Variants in PCNX1 observed in about 807,000 individuals in gnomAD.
The protein encoded by PCNX1 is pecanex 1.
In PCNX1, 78 loss-of-function variants were observed where a neutral mutation model predicts 242.2. The observed-to-expected ratio is 0.32, with a 90% CI of 0.27 to 0.39. The LOEUF (loss-of-function observed/expected upper bound fraction) is 0.39. Ranked by LOEUF, PCNX1 falls within the 10% of genes least tolerant of loss-of-function variation. PCNX1 has a pLI of 1.00. For synonymous variants in PCNX1, 1,024 were observed against 1,032.9 expected (o/e 0.99, Z 0.17); for missense variants, 2,581 against 2,856.5 (o/e 0.90, Z 2.20).
intron 2 of PCNX1, among the ~76,000 whole-genome samples, chr14:70,958,601 A>G (rs1268282266): frequency 6.6e-6 from 1 of 152,146 alleles, no homozygotes; most frequent in Non-Finnish European, 1.5e-5. Flanking sequence ...TTCTTAGAAC[A>G]GGCTGCCCCT....
Position 71,057,664 on chromosome 14 carries a change from C to T in PCNX1, c.4792C>T (p.His1598Tyr). 1 of 1,613,906 alleles carries T rather than the reference C, an allele frequency of 6.2e-7. No homozygotes were observed. Among genetic ancestry groups the T allele is most frequent in the Non-Finnish European group, 8.5e-7 (1 of 1,179,822 alleles). The stretch of plus-strand genomic sequence containing the variant: ...CTCTGACTATCTCAATGCATTAGTA[C>T]ACCTTATAGAGATAGGCAATGGTCT... ...LASDYLNALV[H>Y]LIEIGNGLVT... Residue 1598 changes from histidine to tyrosine, a missense_variant, in exon 26 of 36, where the codon CAC becomes TAC. By Grantham distance (83) the His-to-Tyr change is moderately conservative. This residue lies in a region of PCNX1 where 54 missense variants were observed against 45.3 expected (regional missense o/e 1.19). Transcript: ENST00000304743.
intron 1 of PCNX1, among the ~76,000 whole-genome samples, chr14:70,939,487 G>A (rs1468972208): frequency 6.6e-6 from 1 of 152,182 alleles, no homozygotes; most frequent in African/African-American, 2.4e-5. Flanking sequence ...TTGCACTGTG[G>A]TCTGAGAGAC....
chr14:70,991,514 AT>A (rs2059167021), intron 7 of PCNX1, among the ~76,000 whole-genome samples: 1 of 151,988 alleles, frequency 6.6e-6, no homozygotes, highest in Non-Finnish European at 1.5e-5. Flanking sequence ...CCTACTACTT[AT>A]TTTTAAAGGG....
At chr14:70,940,015 G>A (rs1222856293) in intron 1 of PCNX1, among the ~76,000 whole-genome samples, 4 of 151,992 alleles carry the variant, frequency 2.6e-5, no homozygotes, top group Non-Finnish European at 2.9e-5. Context: ...TTGAGCCTAT[G>A]TGTGTCCCTG....
chr14:70,948,681 G>A (rs146445418), intron 2 of PCNX1, among the ~76,000 whole-genome samples: 216 of 147,122 alleles, frequency 1.5e-3, no homozygotes, highest in Middle Eastern at 4.3e-3. Flanking sequence ...ATATAGATGT[G>A]TATATATACA....
chr14:70,952,329 T>C (rs1167757177), intron 2 of PCNX1, among the ~76,000 whole-genome samples: 3 of 152,188 alleles, frequency 2.0e-5, no homozygotes, highest in African/African-American at 7.2e-5. Context: ...AAGTGACTAC[T>C]TCATTACCTA....
At chr14:71,095,079 A>C (rs1021020586) in intron 30 of PCNX1, among the ~76,000 whole-genome samples, 1 of 151,128 alleles carries the variant, frequency 6.6e-6, no homozygotes, top group African/African-American at 2.4e-5. Flanking sequence ...ATTAACCAAA[A>C]CTCAGATGAA....
chr14:70,977,932 A>G lies in PCNX1; in HGVS notation c.1595A>G (p.Asp532Gly). 6.2e-7 allele frequency: 1 copy of G among 1,614,158 alleles called. No individual in the cohort carries two copies. The highest frequency in any genetic ancestry group is 1.1e-5 in the South Asian group (1 of 91,082). ...AVSVDSKVRK[D>G]VGGKQKEGDV... Reference sequence around the variant, plus strand: ...TCTGTGGATTCCAAAGTGCGTAAAGATGTTGGTGGAAAGCAAAAGGAAGGG... The same window carrying G: ...TCTGTGGATTCCAAAGTGCGTAAAGGTGTTGGTGGAAAGCAAAAGGAAGGG... Residue 532 changes from aspartate (D) to glycine (G), a missense_variant, in exon 6 of 36, where the codon GAT (aspartate) becomes GGT (glycine). This residue lies in a region of PCNX1 where 1,204 missense variants were observed against 1,216.7 expected (regional missense o/e 0.99). Coordinates refer to ENST00000304743, the MANE Select transcript of PCNX1 (RefSeq NM_014982.3).
intron 19 of PCNX1, among the ~76,000 whole-genome samples, chr14:71,041,421 A>G (rs993326330): frequency 2.0e-4 from 31 of 151,848 alleles, no homozygotes; most frequent in African/African-American, 5.8e-4. Flanking sequence ...TCATTTTTCA[A>G]TCTTGTTAGG....
intron 28 of PCNX1, among the ~76,000 whole-genome samples, chr14:71,084,473 C>T (rs1431407087): frequency 6.6e-6 from 1 of 152,182 alleles, no homozygotes; most frequent in Non-Finnish European, 1.5e-5. Flanking sequence ...CCCAGGTGCT[C>T]TGTCCCAGGG....
At chr14:71,031,060 T>C (rs1427307821) in intron 16 of PCNX1, among the ~76,000 whole-genome samples, 1 of 152,194 alleles carries the variant, frequency 6.6e-6, no homozygotes, top group African/African-American at 2.4e-5. Context: ...TATACAAGAC[T>C]TTTTTCTTAG....
chr14:71,029,658 GT>G, intron 16 of PCNX1, among the ~76,000 whole-genome samples: 1 of 152,302 alleles, frequency 6.6e-6, no homozygotes, highest in Non-Finnish European at 1.5e-5. Flanking sequence ...TTCCAGGAAG[GT>G]GATATAACCA....
At position 71,088,418 on chromosome 14, in the gene PCNX1, A is replaced by G; in HGVS notation, c.5426A>G (p.His1809Arg). The G allele has an allele frequency of 6.3e-7, 1 of 1,597,922 alleles. No homozygotes were observed. Among genetic ancestry groups the G allele is most frequent in the Non-Finnish European group, 8.6e-7 (1 of 1,165,496 alleles). ...CGGAGAGCTTTGGGGACTGCATCCC[A>G]TCATATGTCCAGGTAAAGAAGGCAT... The part of the protein sequence containing the change: ...LGRRALGTAS[H>R]HMSSNLESFL... Residue 1809 changes from histidine (H) to arginine (R), a missense_variant, in exon 29 of 36, where the codon CAT (histidine) becomes CGT (arginine). Around this residue, in one of 9 missense-constraint regions of PCNX1, gnomAD observed 298 missense variants for 480.1 expected, o/e 0.62. Coordinates refer to ENST00000304743, the MANE Select transcript of PCNX1 (RefSeq NM_014982.3).
At chr14:71,033,357 C>T (rs1442028424) in intron 16 of PCNX1, 72 bp from the exon 17 acceptor site, 44 of 724,178 alleles carry the variant, frequency 6.1e-5, no homozygotes, top group Admixed American at 1.8e-4. Context: ...TTCCAAAATA[C>T]GTACATAAAA....
chr14:70,963,095 C>T (rs1174275937), intron 3 of PCNX1, among the ~76,000 whole-genome samples: 1 of 152,224 alleles, frequency 6.6e-6, no homozygotes, highest in Non-Finnish European at 1.5e-5. Flanking sequence ...CCGCACTTCT[C>T]ACTCCAGTCT....
intron 1 of PCNX1, among the ~76,000 whole-genome samples, chr14:70,931,987 G>A (rs920256035): frequency 3.3e-5 from 5 of 152,210 alleles, no homozygotes; most frequent in African/African-American, 1.2e-4. Flanking sequence ...GCTGGGCGTG[G>A]TGGCACATAC....
rs369490139 is a variant in PCNX1, at chr14:70,977,416, A to G, written c.1079A>G (p.Lys360Arg). ...SQPPTKSGKS[K>R]PLKAEKSMDS... ...CCACCCACAAAAAGTGGGAAGAGCA[A>G]ACCTTTGAAAGCAGAGAAAAGCATG... Residue 360 changes from lysine (K) to arginine (R), a missense_variant, in exon 6 of 36, where the codon AAA becomes AGA. Physicochemically the swap from Lys to Arg is conservative, Grantham distance 26. This residue lies in a region of PCNX1 where 1,204 missense variants were observed against 1,216.7 expected (regional missense o/e 0.99). Coordinates refer to ENST00000304743, the MANE Select transcript of PCNX1 (RefSeq NM_014982.3). 11 of 1,613,988 alleles carry G rather than the reference A, an allele frequency of 6.8e-6. No individual in the cohort carries two copies. The African/African-American group carries it at 1.3e-4, about 20-fold the overall frequency.
chr14:71,016,045 A>G (rs149588351), intron 11 of PCNX1, among the ~76,000 whole-genome samples: 1 of 152,312 alleles, frequency 6.6e-6, no homozygotes, highest in African/African-American at 2.4e-5. Flanking sequence ...ATAAAAACAA[A>G]TAGGTTAAAA....
At chr14:70,997,656 C>G (rs1319728567) in intron 8 of PCNX1, among the ~76,000 whole-genome samples, 2 of 152,092 alleles carry the variant, frequency 1.3e-5, no homozygotes, top group African/African-American at 2.4e-5. Context: ...AGGTCTCGCT[C>G]TATCGTATTT....
Sources: gnomAD v4.1 joint callset for allele counts (sites outside exome capture counted in the v4.1 genomes callset) on GRCh38, gnomAD v4.1.1 for gene constraint, gnomAD v4.1.1 regional missense constraint, MANE v1.5 for transcripts, NCBI Gene and HGNC (gene_info 2026-07-23, HGNC 2026-07-21) for gene names.